Variants in TXLNB observed in about 807,000 individuals in gnomAD.
TXLNB encodes taxilin beta, also known as beta-taxilin.
In TXLNB, 37 loss-of-function variants were observed where a neutral mutation model predicts 57.4. The observed-to-expected ratio is 0.64, with a 90% CI of 0.50 to 0.85. TXLNB has a LOEUF of 0.85. Among genes scored for constraint, TXLNB ranks in the 40% least tolerant of loss-of-function variants. The pLI, the probability that TXLNB is intolerant of heterozygous loss-of-function variation, is 0.00. For missense variants in TXLNB, 848 were observed against 825.6 expected, an observed-to-expected ratio of 1.03 and a Z score of -0.33; for synonymous variants, 302 against 309.6, an observed-to-expected ratio of 0.98 and a Z score of 0.26.
the TXLNB span, chr6:139,183,434 T>C: frequency 6.6e-6 from 1 of 152,242 alleles, no homozygotes; most frequent in African/African-American, 2.4e-5. Flanking sequence ...TGCATGTTAC[T>C]TTTGAAGCTG....
the TXLNB span, chr6:139,170,448 C>T: frequency 6.6e-6 from 1 of 152,160 alleles, no homozygotes; most frequent in African/African-American, 2.4e-5. Flanking sequence ...AGGAAGGGAC[C>T]ACTTTGGCTT....
chr6:139,249,422 G>GT (rs1776140928), intron 7 of TXLNB, among the ~76,000 whole-genome samples: 1 of 152,174 alleles, frequency 6.6e-6, no homozygotes, highest in Non-Finnish European at 1.5e-5. Context: ...ATACAACATA[G>GT]TTTTTTGTAT....
chr6:139,262,925 T>TA (rs770231962), intron 4 of TXLNB, 152 bp from the exon 5 acceptor site: 8 of 721,126 alleles, frequency 1.1e-5, no homozygotes, highest in Non-Finnish European at 1.8e-5. Context: ...AAAATAAATG[T>TA]ATGAGTAAAG....
chr6:139,162,301 A>C, the TXLNB span, among the ~76,000 whole-genome samples: 1 of 152,088 alleles, frequency 6.6e-6, no homozygotes, highest in African/African-American at 2.4e-5. Context: ...AAGCAGTAGG[A>C]GTGGGGAGGA....
the TXLNB span, among the ~76,000 whole-genome samples, chr6:139,227,507 T>C: frequency 1.3e-5 from 2 of 152,224 alleles, no homozygotes; most frequent in Non-Finnish European, 2.9e-5. Context: ...TTTGGAAAAC[T>C]GATTAGTAGT....
chr6:139,171,384 C>T, the TXLNB span, among the ~76,000 whole-genome samples: 3 of 152,238 alleles, frequency 2.0e-5, no homozygotes, highest in South Asian at 2.1e-4. Context: ...ATAGATAATG[C>T]GCACATTAGA....
the TXLNB span, among the ~76,000 whole-genome samples, chr6:139,321,385 C>T: frequency 6.6e-6 from 1 of 152,134 alleles, no homozygotes; most frequent in Non-Finnish European, 1.5e-5. Flanking sequence ...ATCTGTGAAT[C>T]AGAAAATGGG....
At chr6:139,298,980 G>C in the TXLNB span, among the ~76,000 whole-genome samples, 1 of 152,164 alleles carries the variant, frequency 6.6e-6, no homozygotes, top group Non-Finnish European at 1.5e-5. Flanking sequence ...CTTCCACCAT[G>C]AGTGGAAACT....
At chr6:139,204,608 G>C in the TXLNB span, among the ~76,000 whole-genome samples, 1 of 152,310 alleles carries the variant, frequency 6.6e-6, no homozygotes, top group East Asian at 1.9e-4. Flanking sequence ...TGGGAAGTGT[G>C]CTGCAGACAC....
intron 3 of TXLNB, chr6:139,271,304 C>T (rs1776757190): frequency 6.6e-6 from 1 of 152,264 alleles, no homozygotes; most frequent in African/African-American, 2.4e-5. Flanking sequence ...GCTCCCCACC[C>T]GCACCCGCTC....
chr6:139,236,437 A>G (rs962843892), downstream of TXLNB, among the ~76,000 whole-genome samples: 24 of 152,134 alleles, frequency 1.6e-4, no homozygotes, highest in Admixed American at 1.6e-3. Flanking sequence ...AATGGGGATA[A>G]GGGAACTTTT....
At chr6:139,300,105 C>A in the TXLNB span, among the ~76,000 whole-genome samples, 2 of 152,104 alleles carry the variant, frequency 1.3e-5, no homozygotes, top group Non-Finnish European at 2.9e-5. Flanking sequence ...GCCCCTCCTC[C>A]CCTGCTGATC....
At chr6:139,194,029 G>A in the TXLNB span, among the ~76,000 whole-genome samples, 1 of 151,190 alleles carries the variant, frequency 6.6e-6, no homozygotes, top group African/African-American at 2.4e-5. Context: ...TTTTAGTAGA[G>A]ACGGGGTTTC....
At chr6:139,286,977 C>T (rs947562857) in intron 2 of TXLNB, 1 of 152,910 alleles carries the variant, frequency 6.5e-6, no homozygotes, top group African/African-American at 2.4e-5. Flanking sequence ...AAATGTAATG[C>T]ACTTGAATCA....
the TXLNB span, among the ~76,000 whole-genome samples, chr6:139,216,417 T>C: frequency 2.2e-5 from 3 of 137,500 alleles, no homozygotes; most frequent in Admixed American, 8.3e-5. Flanking sequence ...TAGGTGGGAA[T>C]TGAACAATGA....
chr6:139,263,357 G>T (rs1379025148), intron 4 of TXLNB, among the ~76,000 whole-genome samples: 1 of 152,108 alleles, frequency 6.6e-6, no homozygotes, highest in Non-Finnish European at 1.5e-5. Context: ...AGCCATTCAA[G>T]AATATAAAAG....
chr6:139,302,013 C>G, the TXLNB span, among the ~76,000 whole-genome samples: 24 of 151,872 alleles, frequency 1.6e-4, no homozygotes, highest in Non-Finnish European at 1.5e-5. Context: ...GGGTGGAAAG[C>G]AAACAAAAAT....
the TXLNB span, among the ~76,000 whole-genome samples, chr6:139,173,099 G>T: frequency 6.6e-6 from 1 of 152,148 alleles, no homozygotes; most frequent in Admixed American, 6.5e-5. Context: ...ATCCTTGAAC[G>T]GACTTCCTAA....
At chr6:139,162,874 A>T in the TXLNB span, among the ~76,000 whole-genome samples, 3 of 152,140 alleles carry the variant, frequency 2.0e-5, no homozygotes, top group Non-Finnish European at 4.4e-5. Context: ...TTTGGCCTGT[A>T]TTCCCTGAGC....
Sources: allele counts gnomAD v4.1 joint callset (sites outside exome capture counted in the v4.1 genomes callset), GRCh38; gene constraint gnomAD v4.1.1; transcripts MANE v1.5; gene names NCBI Gene and HGNC (gene_info 2026-07-23, HGNC 2026-07-21).